ARFGEF2: variants seen among roughly 807,000 people sequenced by gnomAD.
ARFGEF2 encodes the protein brefeldin A-inhibited guanine nucleotide-exchange protein 2.
In ARFGEF2, 74 loss-of-function variants were observed where a neutral mutation model predicts 219.9. The ratio of observed to expected loss-of-function variants is 0.34; its 90% confidence interval spans 0.28 to 0.41. The LOEUF (loss-of-function observed/expected upper bound fraction) is 0.41. Ranked by LOEUF, ARFGEF2 falls within the 10% of genes least tolerant of loss-of-function variation. ARFGEF2 has a pLI of 1.00. For missense variants in ARFGEF2, 1,743 were observed against 2,218.3 expected, an observed-to-expected ratio of 0.79 and a Z score of 4.30; for synonymous variants, 733 against 799.2, an observed-to-expected ratio of 0.92 and a Z score of 1.40.
chr20:48,956,003 T>C (rs1265053949), intron 6 of ARFGEF2, among the ~76,000 whole-genome samples: 1 of 152,152 alleles, frequency 6.6e-6, no homozygotes, highest in Non-Finnish European at 1.5e-5. Flanking sequence ...GACTTCCAGT[T>C]CTCAGGACTA....
At chr20:48,974,353 C>T (rs2091247533) in intron 12 of ARFGEF2, among the ~76,000 whole-genome samples, 1 of 151,988 alleles carries the variant, frequency 6.6e-6, no homozygotes, top group Admixed American at 6.6e-5. Flanking sequence ...CTCAGGTGGT[C>T]CACCCACCTC....
chr20:49,010,101 G>A, intron 26 of ARFGEF2, 131 bp from the exon 27 acceptor site: 1 of 1,145,044 alleles, frequency 8.7e-7, no homozygotes, highest in Middle Eastern at 3.1e-4. Flanking sequence ...AGGAAACGGG[G>A]CAGAGCCCAA....
At position 48,988,360 on chromosome 20, in the gene ARFGEF2, T is replaced by C; in HGVS notation, c.2333T>C (p.Met778Thr). 6.2e-7 allele frequency: 1 copy of C among 1,613,788 alleles called. No homozygotes were observed. The highest frequency in any genetic ancestry group is 8.5e-7 in the Non-Finnish European group (1 of 1,180,010). The change falls in exon 17 of 39, where the codon ATG becomes ACG. Residue 778 changes from methionine to threonine, a missense_variant. Around this residue, in one of 5 missense-constraint regions of ARFGEF2, gnomAD observed 666 missense variants for 955.4 expected, o/e 0.70. Coordinates refer to ENST00000371917, the MANE Select transcript of ARFGEF2 (RefSeq NM_006420.3). ...TAYVLAYSII[M>T]LTTDLHSPQV... ...TATGTCCTAGCGTATTCAATTATTA[T>C]GCTGACTACAGACTTGCACAGTCCT...
Position 48,995,803 on chromosome 20 carries a change from G to A in ARFGEF2, c.3142G>A (p.Val1048Met), listed in dbSNP as rs2091382188. ...LGLGNLVSGG[V>M]DKRQMASFQE... ...TTCAGGTAATTTGGTGAGTGGCGGAGTGGATAAAAGACAGATGGCCAGCTT... is the reference window on the plus strand; with the variant it reads ...TTCAGGTAATTTGGTGAGTGGCGGAATGGATAAAAGACAGATGGCCAGCTT... Residue 1048 changes from valine to methionine, a missense_variant, in exon 23 of 39, where the codon GTG (valine) becomes ATG (methionine). By Grantham distance (21) the Val-to-Met change is conservative. Around this residue, in one of 5 missense-constraint regions of ARFGEF2, gnomAD observed 666 missense variants for 955.4 expected, o/e 0.70. Transcript: ENST00000371917. The A allele has an allele frequency of 6.2e-7, 1 of 1,614,058 alleles. No individual in the cohort carries two copies. Among genetic ancestry groups the A allele is most frequent in the African/African-American group, 1.3e-5 (1 of 74,924 alleles).
Position 49,025,493 on chromosome 20 carries a change from C to T in ARFGEF2, c.4924+12C>T. 6.2e-7 allele frequency: 1 copy of T among 1,613,738 alleles called. No individual in the cohort carries two copies. The highest frequency in any genetic ancestry group is 8.5e-7 in the Non-Finnish European group (1 of 1,179,910). ...CCTGTGGCGAGCAGGTAAGGCCACA[C>T]AGCAGATAAGATAGATGGCCACACT... is the stretch of plus-strand genomic sequence containing the variant. On this transcript the variant is annotated intron_variant, in intron 36 of 38. Transcript: ENST00000371917.
At position 49,005,058 on chromosome 20, in the gene ARFGEF2, G is replaced by A. The variant is rs368404996; in HGVS notation, c.3433-12G>A. ...CTATACCTGTTTCACATCAGTTCCT[G>A]TTCTTGTTCAGGTTGGCTGCAACCC... On this transcript the variant is annotated splice_polypyrimidine_tract_variant and intron_variant, in intron 25 of 38. Transcript: ENST00000371917. The A allele has an allele frequency of 1.2e-6, 2 of 1,614,016 alleles. No individual in the cohort carries two copies. The highest frequency in any genetic ancestry group is 2.2e-5 in the East Asian group (1 of 44,888).
intron 3 of ARFGEF2, among the ~76,000 whole-genome samples, chr20:48,944,410 C>G (rs1214592571): frequency 1.3e-5 from 2 of 152,164 alleles, no homozygotes; most frequent in Non-Finnish European, 2.9e-5. Context: ...GTCCCCTCGA[C>G]AGCCCTCTGA....
At chr20:48,933,724 G>A (rs965158953) in intron 1 of ARFGEF2, among the ~76,000 whole-genome samples, 10 of 151,988 alleles carry the variant, frequency 6.6e-5, no homozygotes, top group African/African-American at 1.9e-4. Flanking sequence ...CTCTCATGGC[G>A]GTGTCAAGAG....
chr20:49,022,411 AAAC>A (rs137874820), intron 34 of ARFGEF2, among the ~76,000 whole-genome samples: 2 of 140,044 alleles, frequency 1.4e-5, no homozygotes, highest in African/African-American at 2.6e-5. Flanking sequence ...TCTATTTAAA[AAAC>A]AACAACAACA....
rs900228147 is a variant in ARFGEF2 at position 48,976,132 on chromosome 20, C to A, written c.1891C>A (p.Gln631Lys). The change falls in exon 14 of 39, where the codon CAG (glutamine) becomes AAG (lysine). Residue 631 changes from glutamine to lysine, a missense_variant. Around this residue, in one of 5 missense-constraint regions of ARFGEF2, gnomAD observed 666 missense variants for 955.4 expected, o/e 0.70. Transcript: ENST00000371917. The part of the protein sequence containing the change: ...TVSSGTQTTV[Q>K]DDPEQFEVIK... ...GTCCTCGGGGACCCAGACAACTGTT[C>A]AGGATGACCCTGAGCAATTTGAGGT... The A allele has an allele frequency of 6.2e-7, 1 of 1,613,894 alleles. No homozygotes were observed. The highest frequency in any genetic ancestry group is 1.7e-5 in the Admixed American group (1 of 60,004).
At chr20:49,010,815 G>A (rs193090713) in intron 27 of ARFGEF2, among the ~76,000 whole-genome samples, 6 of 152,326 alleles carry the variant, frequency 3.9e-5, no homozygotes. Flanking sequence ...TACTCATGGT[G>A]CTTTTGTGGT....
rs750260231 is a variant in ARFGEF2 at position 48,989,678 on chromosome 20, A to G, written c.2808A>G (p.Gly936=). The change falls in exon 20 of 39, where the codon GGA becomes GGG. Residue 936 remains glycine (G), a synonymous_variant. Coordinates refer to ENST00000371917, the MANE Select transcript of ARFGEF2 (RefSeq NM_006420.3). The part of the protein sequence containing the change: ...RCAIRIACIF[G]MQLERDAYVQ... ...CAATCCGAATCGCCTGCATCTTTGG[A>G]ATGCAGGTAGGTGTAAGTCAGCAAC... 1.2e-6 allele frequency: 2 copies of G among 1,614,162 alleles called. No homozygotes were observed. Among genetic ancestry groups the G allele is most frequent in the Non-Finnish European group, 1.7e-6 (2 of 1,180,018 alleles).
intron 1 of ARFGEF2, among the ~76,000 whole-genome samples, chr20:48,931,661 G>A (rs1459003781): frequency 6.6e-6 from 1 of 151,012 alleles, no homozygotes; most frequent in Non-Finnish European, 1.5e-5. Context: ...GGTGAGCCAT[G>A]GAGATATCTG....
At position 48,996,013 on chromosome 20, in the gene ARFGEF2, T is replaced by TCA. The variant is rs2091383767; in HGVS notation, c.3221+134_3221+135dup. 3.7e-6 allele frequency: 3 copies of TCA among 804,326 alleles called. No individual in the cohort carries two copies. In the South Asian group the frequency reaches 4.3e-5, roughly 11 times the overall value. The allele number at this position is 804,326 out of a possible 1,614,324, so 49.8% of individuals were successfully genotyped here. A position where few individuals can be genotyped will look rare whatever the true frequency, so the allele number is the denominator to read the frequency against. On this transcript the variant is annotated intron_variant, in intron 23 of 38. Coordinates refer to ENST00000371917, the MANE Select transcript of ARFGEF2 (RefSeq NM_006420.3). ...TTGTTAGCTACAAATTGCTTAAGTG[T>TCA]CACATTTATTTGCATTTTGACCTTT...
At chr20:48,936,595 G>C (rs926615345) in intron 1 of ARFGEF2, among the ~76,000 whole-genome samples, 1 of 152,160 alleles carries the variant, frequency 6.6e-6, no homozygotes, top group African/African-American at 2.4e-5. Flanking sequence ...CATGATCTCA[G>C]CTCACTGCGC....
Position 49,017,369 on chromosome 20 carries a change from A to G in ARFGEF2, c.4436A>G (p.Lys1479Arg). The stretch of plus-strand genomic sequence containing the variant: ...TGCAACTGTATGTTGGATATTTTCA[A>G]AACAACCATCCCACATGTGTAAGTG... ...ETCNCMLDIF[K>R]TTIPHVLLTW... Residue 1479 changes from lysine to arginine, a missense_variant, in exon 32 of 39, where the codon AAA (lysine) becomes AGA (arginine). Coordinates refer to ENST00000371917, the MANE Select transcript of ARFGEF2 (RefSeq NM_006420.3). 1.9e-6 allele frequency: 3 copies of G among 1,614,062 alleles called. No individual in the cohort carries two copies. The highest frequency in any genetic ancestry group is 2.5e-6 in the Non-Finnish European group (3 of 1,179,994).
intron 26 of ARFGEF2, 22 bp downstream of exon 26, chr20:49,005,243 A>G (rs775720338): frequency 6.2e-7 from 1 of 1,613,876 alleles, no homozygotes; most frequent in South Asian, 1.1e-5. Flanking sequence ...GCTCTGGAAG[A>G]CGCTTGGTCA....
chr20:48,980,432 GT>G (rs2091288087), intron 14 of ARFGEF2, among the ~76,000 whole-genome samples: 1 of 150,388 alleles, frequency 6.6e-6, no homozygotes, highest in African/African-American at 2.4e-5. Context: ...TAAGTGCAAT[GT>G]GGTGCTGAGA....
chr20:48,976,048 G>T lies in ARFGEF2; in HGVS notation c.1807G>T (p.Asp603Tyr). Residue 603 changes from aspartate (D) to tyrosine (Y), a missense_variant, in exon 14 of 39, where the codon GAT (aspartate) becomes TAT (tyrosine). By Grantham distance (160) the Asp-to-Tyr change is radical (BLOSUM62 -3). Coordinates refer to ENST00000371917, the MANE Select transcript of ARFGEF2 (RefSeq NM_006420.3). ...QERLTDQEIG[D>Y]GKGLDMARRC... ...GAGGCTCACGGATCAGGAAATAGGGGATGGGAAAGGCCTTGACATGGCAAG... is the reference window on the plus strand; with the variant it reads ...GAGGCTCACGGATCAGGAAATAGGGTATGGGAAAGGCCTTGACATGGCAAG... 1.2e-6 allele frequency: 2 copies of T among 1,612,626 alleles called. No homozygotes were observed. The highest frequency in any genetic ancestry group is 2.2e-5 in the East Asian group (1 of 44,876).
Sources: allele counts gnomAD v4.1 joint callset (sites outside exome capture counted in the v4.1 genomes callset), GRCh38; gene constraint gnomAD v4.1.1; regional missense constraint gnomAD v4.1.1; transcripts MANE v1.5; gene names NCBI Gene and HGNC (gene_info 2026-07-23, HGNC 2026-07-21).